CDH12: variants seen among roughly 807,000 people sequenced by gnomAD.
CDH12 encodes the protein cadherin-12.
In CDH12, 41 loss-of-function variants were observed where a neutral mutation model predicts 74.1. The ratio of observed to expected loss-of-function variants is 0.55; its 90% confidence interval spans 0.43 to 0.72. The LOEUF (loss-of-function observed/expected upper bound fraction) is 0.72, where lower values mean the gene tolerates loss of function less well. Among genes scored for constraint, CDH12 ranks in the 30% least tolerant of loss-of-function variants. The pLI, the probability that CDH12 is intolerant of heterozygous loss-of-function variation, is 0.00. For synonymous variants in CDH12, 399 were observed against 355.0 expected (o/e 1.12, Z -1.39); for missense variants, 945 against 977.2 (o/e 0.97, Z 0.44).
chr5:22,026,780 T>C (rs984779600), intron 5 of CDH12, among the ~76,000 whole-genome samples: 1 of 152,154 alleles, frequency 6.6e-6, no homozygotes, highest in Non-Finnish European at 1.5e-5. Context: ...TCTATTTACT[T>C]ACACTCCACA....
At chr5:21,868,051 G>A (rs931312292) in intron 6 of CDH12, among the ~76,000 whole-genome samples, 7 of 152,104 alleles carry the variant, frequency 4.6e-5, no homozygotes, top group African/African-American at 1.7e-4. Flanking sequence ...CCTTTCACTT[G>A]GTTCTCACTC....
chr5:22,239,927 C>T (rs985450858), intron 3 of CDH12, among the ~76,000 whole-genome samples: 1 of 152,146 alleles, frequency 6.6e-6, no homozygotes, highest in Non-Finnish European at 1.5e-5. Context: ...GCTCCCTCTA[C>T]AATATTTTCT....
chr5:22,812,624 A>G (rs1437394719), intron 1 of CDH12, among the ~76,000 whole-genome samples: 3 of 152,158 alleles, frequency 2.0e-5, no homozygotes, highest in African/African-American at 4.8e-5. Context: ...TCTCCAACTA[A>G]AACCTCATGT....
chr5:21,769,522 A>G (rs1219356816), intron 11 of CDH12, among the ~76,000 whole-genome samples: 1 of 152,146 alleles, frequency 6.6e-6, no homozygotes, highest in East Asian at 1.9e-4. Context: ...AGGAGGATAG[A>G]TCTCACTTCT....
At chr5:22,497,638 C>CT (rs747466944) in intron 2 of CDH12, among the ~76,000 whole-genome samples, 50,539 of 83,286 alleles carry the variant, frequency 0.61, 17,665 homozygotes, top group African/African-American at 0.72. Flanking sequence ...TGTCGAATCT[C>CT]TTTTTTTTTT....
At chr5:22,523,163 T>C (rs577784604) in intron 1 of CDH12, among the ~76,000 whole-genome samples, 1 of 152,334 alleles carries the variant, frequency 6.6e-6, no homozygotes, top group South Asian at 2.1e-4. Flanking sequence ...CTTTTCTTTA[T>C]CTTTTCCTAG....
At chr5:22,089,520 A>G (rs1743290019) in intron 4 of CDH12, among the ~76,000 whole-genome samples, 1 of 152,212 alleles carries the variant, frequency 6.6e-6, no homozygotes, top group African/African-American at 2.4e-5. Context: ...TCAAATGAAA[A>G]TGTTATTAAA....
intron 2 of CDH12, among the ~76,000 whole-genome samples, chr5:22,457,738 C>A (rs996643718): frequency 2.0e-5 from 3 of 149,668 alleles, no homozygotes; most frequent in African/African-American, 4.9e-5. Context: ...GCTAACATGC[C>A]CAACTAATTT....
At chr5:22,653,368 C>G (rs1739840654) in intron 1 of CDH12, among the ~76,000 whole-genome samples, 1 of 152,008 alleles carries the variant, frequency 6.6e-6, no homozygotes, top group Non-Finnish European at 1.5e-5. Context: ...ATATTAAATG[C>G]TTGATTACAC....
chr5:22,483,384 G>A (rs1315100884), intron 2 of CDH12, among the ~76,000 whole-genome samples: 2 of 151,852 alleles, frequency 1.3e-5, no homozygotes, highest in African/African-American at 2.4e-5. Flanking sequence ...ACTATGCCAG[G>A]AGCTGTTCTA....
chr5:22,440,914 C>G (rs551959348), intron 2 of CDH12, among the ~76,000 whole-genome samples: 1 of 152,180 alleles, frequency 6.6e-6, no homozygotes, highest in East Asian at 1.9e-4. Flanking sequence ...TTTAAGCAAG[C>G]CATTAATCAG....
chr5:22,035,403 T>C (rs578120253), intron 5 of CDH12, among the ~76,000 whole-genome samples: 2 of 151,842 alleles, frequency 1.3e-5, no homozygotes, highest in South Asian at 2.1e-4. Flanking sequence ...TATATATATA[T>C]GCATGTCATA....
chr5:22,846,151 A>T (rs1286387018), intron 1 of CDH12, among the ~76,000 whole-genome samples: 1 of 152,168 alleles, frequency 6.6e-6, no homozygotes, highest in Non-Finnish European at 1.5e-5. Context: ...ATGGATAATT[A>T]TGTTATTTAC....
intron 1 of CDH12, among the ~76,000 whole-genome samples, chr5:22,719,721 T>C (rs1478780686): frequency 6.6e-6 from 1 of 152,168 alleles, no homozygotes; most frequent in Non-Finnish European, 1.5e-5. Context: ...AAAATAATCA[T>C]AATTTATAGA....
intron 3 of CDH12, among the ~76,000 whole-genome samples, chr5:22,331,898 C>T (rs1006134464): frequency 8.6e-5 from 11 of 127,696 alleles, no homozygotes; most frequent in African/African-American, 2.9e-4. Flanking sequence ...AGTATTTTAA[C>T]AGCAGAACTG....
At chr5:22,270,606 T>G (rs74737881) in intron 3 of CDH12, among the ~76,000 whole-genome samples, 2 of 128,952 alleles carry the variant, frequency 1.6e-5, no homozygotes, top group Non-Finnish European at 3.3e-5. Context: ...AAAAAAAAAA[T>G]ATATATATAT....
Position 22,782,044 on chromosome 5 carries a change from C to G in CDH12, c.-523+71014G>C, listed in dbSNP as rs180786748. On this transcript the variant is annotated intron_variant, in intron 1 of 14. Coordinates refer to ENST00000382254, the MANE Select transcript of CDH12 (RefSeq NM_004061.5). ...TCCCCATTACCCAATGTCTGTACCC[C>G]ACATTGTATTGTTGAATTAACTAAC... Among the ~76,000 whole-genome samples the G allele has an allele frequency of 1.9e-4, 29 of 152,252 alleles. No individual in the cohort carries two copies. In the East Asian group the frequency reaches 4.3e-3, roughly 22 times the overall value.
intron 1 of CDH12, among the ~76,000 whole-genome samples, chr5:22,838,646 A>AGTGT (rs1260205552): frequency 9.8e-4 from 110 of 112,790 alleles, no homozygotes; most frequent in African/African-American, 3.4e-3. Context: ...GGTGTGTGAG[A>AGTGT]GTGTCTGTGT....
At chr5:22,839,756 G>T (rs1737001942) in intron 1 of CDH12, among the ~76,000 whole-genome samples, 1 of 152,174 alleles carries the variant, frequency 6.6e-6, no homozygotes, top group Non-Finnish European at 1.5e-5. Flanking sequence ...ACACATGTTT[G>T]TACACGTGCT....
Sources: gnomAD v4.1 joint callset for allele counts (sites outside exome capture counted in the v4.1 genomes callset) on GRCh38, gnomAD v4.1.1 for gene constraint, MANE v1.5 for transcripts, NCBI Gene and HGNC (gene_info 2026-07-23, HGNC 2026-07-21) for gene names.